CACNA1A: variants seen among roughly 807,000 people sequenced by gnomAD.
CACNA1A encodes the protein calcium voltage-gated channel subunit alpha1 A, also known as voltage-dependent P/Q-type calcium channel subunit alpha-1A.
Under a neutral mutation model 262.4 loss-of-function variants are expected in CACNA1A, and 57 were observed. The observed-to-expected ratio is 0.22, with a 90% confidence interval of 0.18 to 0.27. The LOEUF is 0.27. Ranked by LOEUF, CACNA1A falls within the 10% of genes least tolerant of loss-of-function variation. The pLI, the probability that CACNA1A is intolerant of heterozygous loss-of-function variation, is 1.00. For missense variants in CACNA1A, 2,526 were observed against 3,562.8 expected, an observed-to-expected ratio of 0.71 and a Z score of 7.41; for synonymous variants, 1,431 against 1,419.3, an observed-to-expected ratio of 1.01 and a Z score of -0.18.
intron 34 of CACNA1A, among the ~76,000 whole-genome samples, chr19:13,234,376 G>GC (rs35337256): frequency 0.18 from 15,797 of 85,478 alleles, 664 homozygotes; most frequent in Middle Eastern, 0.23. Flanking sequence ...AAAAAAAAAA[G>GC]CCCCCCCAAA....
intron 3 of CACNA1A, among the ~76,000 whole-genome samples, chr19:13,405,207 T>G (rs1225056727): frequency 6.9e-6 from 1 of 145,168 alleles, no homozygotes; most frequent in Admixed American, 6.9e-5. Flanking sequence ...TTATTATTAT[T>G]TTTGAGATAG....
At chr19:13,462,367 A>C (rs1000245430) in intron 1 of CACNA1A, among the ~76,000 whole-genome samples, 1 of 152,184 alleles carries the variant, frequency 6.6e-6, no homozygotes, top group Non-Finnish European at 1.5e-5. Flanking sequence ...ATTTTCATGT[A>C]AGTTCCATGC....
intron 24 of CACNA1A, chr19:13,273,648 G>C (rs1364678077): frequency 7.0e-6 from 1 of 143,206 alleles, no homozygotes; most frequent in Non-Finnish European, 1.6e-5. Flanking sequence ...AGAACAGCTT[G>C]CTAAACCTGT....
chr19:13,353,437 A>C (rs1389759296), intron 6 of CACNA1A, among the ~76,000 whole-genome samples: 1 of 149,900 alleles, frequency 6.7e-6, no homozygotes, highest in Non-Finnish European at 1.5e-5. Flanking sequence ...CAGCACCCCC[A>C]CTCATCATTA....
At chr19:13,294,464 CAGGTGCATA>C (rs2057617346) in intron 19 of CACNA1A, among the ~76,000 whole-genome samples, 1 of 142,134 alleles carries the variant, frequency 7.0e-6, no homozygotes, top group Non-Finnish European at 1.5e-5. Flanking sequence ...GCTGGGATTA[CAGGTGCATA>C]CCACTGTACC....
intron 31 of CACNA1A, among the ~76,000 whole-genome samples, chr19:13,240,898 C>T (rs1281201963): frequency 1.3e-5 from 2 of 152,252 alleles, no homozygotes; most frequent in Non-Finnish European, 2.9e-5. Flanking sequence ...GGGCCAGCCC[C>T]ACATGAAGCT....
intron 4 of CACNA1A, among the ~76,000 whole-genome samples, chr19:13,366,932 C>A (rs1210085790): frequency 1.3e-5 from 2 of 152,170 alleles, no homozygotes; most frequent in Admixed American, 6.5e-5. Flanking sequence ...AAGTCACTCT[C>A]ATTTTACAGA....
chr19:13,413,146 G>A lies in CACNA1A; in HGVS notation c.539+39730C>T, dbSNP rs529924128. Among the ~76,000 whole-genome samples, 28 of 148,444 alleles carry A rather than the reference G, an allele frequency of 1.9e-4. No individual in the cohort carries two copies. The East Asian group carries it at 2.8e-3, about 15-fold the overall frequency. ...TTTAGATGGTGTCTCGCGCTCTGTC[G>A]CCCAGGCTGGAGTGCAGTGGCGTGA... On this transcript the variant is annotated intron_variant, in intron 3 of 46. Coordinates refer to ENST00000360228, the MANE Select transcript of CACNA1A (RefSeq NM_001127222.2).
rs1230511962 is a variant in CACNA1A, at chr19:13,506,146, T to C, written c.79A>G (p.Ser27Gly). ...SGAAAGVVVG[S>G]GGGRGAGGSR... ...CCCCCGGCTCCTCGCCCGCCTCCGC[T>C]GCCCACGACCACCCCGGCGGCTGCC... Residue 27 changes from serine to glycine, a missense_variant, in exon 1 of 47, where the codon AGC becomes GGC. Ser to Gly is a moderately conservative substitution (Grantham distance 56, BLOSUM62 0). Around this residue, in one of 17 missense-constraint regions of CACNA1A, gnomAD observed 65 missense variants for 75.6 expected, o/e 0.86. Coordinates refer to ENST00000360228, the MANE Select transcript of CACNA1A (RefSeq NM_001127222.2). The C allele has an allele frequency of 3.2e-6, 5 of 1,579,910 alleles. No homozygotes were observed. Among genetic ancestry groups the C allele is most frequent in the Non-Finnish European group, 4.3e-6 (5 of 1,162,720 alleles).
At chr19:13,383,570 G>A (rs1439265511) in intron 3 of CACNA1A, among the ~76,000 whole-genome samples, 2 of 152,086 alleles carry the variant, frequency 1.3e-5, no homozygotes, top group Non-Finnish European at 2.9e-5. Context: ...CAACACCCTG[G>A]CCACTCCGAC....
Position 13,317,143 on chromosome 19 carries a change from G to A in CACNA1A, c.1524C>T (p.Tyr508=). The change falls in exon 11 of 47, where the codon TAC becomes TAT. Residue 508 remains tyrosine, a synonymous_variant. Coordinates refer to ENST00000360228, the MANE Select transcript of CACNA1A (RefSeq NM_001127222.2). The part of the protein sequence containing the change: ...LNTLCVAIVH[Y]NQPEWLSDFL... ...AGTCGGAGAGCCACTCGGGCTGGTTGTAGTGAACAATAGCAACACACAGCG... is the reference window on the plus strand; with the variant it reads ...AGTCGGAGAGCCACTCGGGCTGGTTATAGTGAACAATAGCAACACACAGCG... The A allele has an allele frequency of 6.2e-7, 1 of 1,610,706 alleles. No homozygotes were observed. The highest frequency in any genetic ancestry group is 8.5e-7 in the Non-Finnish European group (1 of 1,177,184).
chr19:13,331,980 T>C (rs2058476850), intron 9 of CACNA1A, among the ~76,000 whole-genome samples: 1 of 152,186 alleles, frequency 6.6e-6, no homozygotes, highest in African/African-American at 2.4e-5. Flanking sequence ...ATCTCTAAAT[T>C]CTAGGAAACT....
intron 3 of CACNA1A, among the ~76,000 whole-genome samples, chr19:13,449,666 C>T (rs940661469): frequency 6.6e-6 from 1 of 152,168 alleles, no homozygotes. Flanking sequence ...CACTCTGATG[C>T]TATTTAAAAA....
chr19:13,397,176 A>G (rs762634712), intron 3 of CACNA1A, among the ~76,000 whole-genome samples: 4 of 152,144 alleles, frequency 2.6e-5, no homozygotes, highest in Admixed American at 6.5e-5. Flanking sequence ...AAGACCTTGA[A>G]GTCCCCCCAG....
intron 1 of CACNA1A, among the ~76,000 whole-genome samples, chr19:13,466,687 C>CAAT (rs1007386823): frequency 1.0e-4 from 15 of 149,538 alleles, no homozygotes; most frequent in South Asian, 2.2e-4. Context: ...CTACTTTCTT[C>CAAT]AATAATAATA....
At chr19:13,374,030 A>C (rs1388091001) in intron 3 of CACNA1A, among the ~76,000 whole-genome samples, 1 of 152,204 alleles carries the variant, frequency 6.6e-6, no homozygotes. Flanking sequence ...ACTTCAAGTC[A>C]AGTTCCCATA....
At chr19:13,361,049 A>T (rs1023352570) in intron 5 of CACNA1A, among the ~76,000 whole-genome samples, 1 of 152,164 alleles carries the variant, frequency 6.6e-6, no homozygotes, top group Non-Finnish European at 1.5e-5. Flanking sequence ...TCCGACATCC[A>T]TTAGGACAAA....
At chr19:13,311,952 T>A (rs143900306) in intron 12 of CACNA1A, among the ~76,000 whole-genome samples, 1 of 152,232 alleles carries the variant, frequency 6.6e-6, no homozygotes, top group Non-Finnish European at 1.5e-5. Flanking sequence ...CATTCTCCAC[T>A]TATTTGCGAA....
intron 1 of CACNA1A, among the ~76,000 whole-genome samples, chr19:13,460,334 G>T (rs1369547737): frequency 1.3e-5 from 2 of 152,270 alleles, no homozygotes; most frequent in East Asian, 3.9e-4. Flanking sequence ...GAGTCATCCA[G>T]AAAGAGGTGG....
Sources: allele counts gnomAD v4.1 joint callset (sites outside exome capture counted in the v4.1 genomes callset), GRCh38; gene constraint gnomAD v4.1.1; regional missense constraint gnomAD v4.1.1; transcripts MANE v1.5; gene names NCBI Gene and HGNC (gene_info 2026-07-23, HGNC 2026-07-21).